The following STPG2 variants were observed in gnomAD, a reference collection of about 807,000 sequenced individuals.
The protein encoded by STPG2 is sperm-tail PG-rich repeat-containing protein 2.
Under a neutral mutation model 54.2 loss-of-function variants are expected in STPG2, and 56 were observed. The observed-to-expected ratio is 1.03, with a 90% CI of 0.83 to 1.29. The LOEUF (loss-of-function observed/expected upper bound fraction) is 1.29, where lower values mean the gene tolerates loss of function less well. Among genes scored for constraint, STPG2 ranks in the 50% most tolerant of loss-of-function variants. The probability of loss-of-function intolerance (pLI) is 0.00; values close to 1 mark genes in which losing one functional copy is unlikely to be tolerated. For synonymous variants in STPG2, 200 were observed against 181.8 expected (o/e 1.10, Z -0.81); for missense variants, 596 against 544.9 (o/e 1.09, Z -0.93).
In STPG2 at chr4:97,803,057, A is replaced by G. The variant is rs543958426; in HGVS notation, c.1204+37716T>C. 1.1e-4 allele frequency among the ~76,000 whole-genome samples: 17 copies of G among 152,274 alleles called. No homozygotes were observed. The South Asian group carries it at 3.5e-3, about 32-fold the overall frequency. The stretch of plus-strand genomic sequence containing the variant: ...CTTGTTTTTGTTTTTGGATTGTGCC[A>G]GGAATAAGAAATAAGACTATTATTG... On this transcript the variant is annotated intron_variant, in intron 9 of 10. Coordinates refer to ENST00000295268, the MANE Select transcript of STPG2 (RefSeq NM_174952.3).
At chr4:97,494,726 AT>A (rs34356638) in intron 4 of STPG2, among the ~76,000 whole-genome samples, 130,225 of 150,538 alleles carry the variant, frequency 0.87, 56,662 homozygotes, top group African/African-American at 0.96. Context: ...AGGAGTAAGG[AT>A]TTTTTTTTTG....
At chr4:97,742,367 TAATAAAATAA>T (rs908749274) in intron 9 of STPG2, among the ~76,000 whole-genome samples, 1 of 150,244 alleles carries the variant, frequency 6.7e-6, no homozygotes, top group Non-Finnish European at 1.5e-5. Flanking sequence ...AGTATAATAA[TAATAAAATAA>T]AATAAAATAA....
chr4:97,704,645 G>T (rs1357303910), intron 10 of STPG2, among the ~76,000 whole-genome samples: 6 of 152,156 alleles, frequency 3.9e-5, no homozygotes, highest in Non-Finnish European at 7.3e-5. Context: ...TAAGTAATGT[G>T]CCATGACCTT....
At chr4:97,710,659 T>C (rs1028051341) in intron 10 of STPG2, among the ~76,000 whole-genome samples, 1 of 152,008 alleles carries the variant, frequency 6.6e-6, no homozygotes, top group African/African-American at 2.4e-5. Context: ...CTTAAACTTA[T>C]TAAAGTCATG....
intron 2 of STPG2, among the ~76,000 whole-genome samples, chr4:98,131,540 C>G (rs1044515596): frequency 1.3e-5 from 2 of 152,066 alleles, no homozygotes; most frequent in Non-Finnish European, 2.9e-5. Flanking sequence ...AAGTACTTAG[C>G]CTTAAAACAT....
At chr4:97,922,163 C>G (rs535135369) in intron 8 of STPG2, among the ~76,000 whole-genome samples, 1 of 151,964 alleles carries the variant, frequency 6.6e-6, no homozygotes, top group East Asian at 1.9e-4. Flanking sequence ...CTTAAATGTT[C>G]TAACCACAAA....
chr4:97,514,229 T>C (rs1292954090), intron 4 of STPG2, among the ~76,000 whole-genome samples: 3 of 152,060 alleles, frequency 2.0e-5, no homozygotes, highest in African/African-American at 7.2e-5. Context: ...CGTCCCAGCG[T>C]CATGAATATA....
intron 8 of STPG2, among the ~76,000 whole-genome samples, chr4:97,887,393 T>C (rs1730617683): frequency 6.6e-6 from 1 of 152,156 alleles, no homozygotes; most frequent in Admixed American, 6.6e-5. Flanking sequence ...TATTGGGAAC[T>C]GGAGTAACAA....
At chr4:97,537,833 T>A (rs546030471) in intron 4 of STPG2, among the ~76,000 whole-genome samples, 55 of 152,240 alleles carry the variant, frequency 3.6e-4, no homozygotes, top group African/African-American at 1.3e-3. Flanking sequence ...CCAGGTACCC[T>A]TCTGAGATGA....
chr4:97,929,037 C>G (rs1732441016), intron 8 of STPG2, among the ~76,000 whole-genome samples: 1 of 152,104 alleles, frequency 6.6e-6, no homozygotes, highest in Non-Finnish European at 1.5e-5. Context: ...CTTCTCCCAC[C>G]CTCCACCCTC....
chr4:97,684,278 A>G (rs960697284), intron 10 of STPG2, among the ~76,000 whole-genome samples: 2 of 151,958 alleles, frequency 1.3e-5, no homozygotes, highest in Non-Finnish European at 2.9e-5. Flanking sequence ...AAGATCCAGA[A>G]TAGTCAACAT....
intron 10 of STPG2, among the ~76,000 whole-genome samples, chr4:97,641,985 C>T (rs930799118): frequency 6.6e-6 from 1 of 151,430 alleles, no homozygotes; most frequent in South Asian, 2.1e-4. Flanking sequence ...TCTTTATTCT[C>T]CATGGTTTAT....
intron 5 of STPG2, among the ~76,000 whole-genome samples, chr4:98,037,146 T>C (rs1349917939): frequency 2.0e-5 from 3 of 152,038 alleles, no homozygotes; most frequent in African/African-American, 7.2e-5. Context: ...GTGCTAACTT[T>C]TCCAATGAGT....
At chr4:97,850,706 TGA>T (rs1246937561) in intron 8 of STPG2, among the ~76,000 whole-genome samples, 2 of 152,190 alleles carry the variant, frequency 1.3e-5, no homozygotes, top group African/African-American at 4.8e-5. Flanking sequence ...AAGTCTTTTC[TGA>T]AAGCCTAATC....
chr4:97,988,135 A>G (rs1001909931), intron 5 of STPG2, among the ~76,000 whole-genome samples: 18 of 151,942 alleles, frequency 1.2e-4, no homozygotes, highest in African/African-American at 4.1e-4. Context: ...TCTTCCTCAA[A>G]CAGATCAGGC....
chr4:98,140,727 T>C (rs1168020069), intron 1 of STPG2, among the ~76,000 whole-genome samples: 1 of 152,036 alleles, frequency 6.6e-6, no homozygotes, highest in Non-Finnish European at 1.5e-5. Context: ...GCTCAGACAC[T>C]TAAAACTTCA....
At chr4:98,005,746 T>C (rs114625906) in intron 5 of STPG2, among the ~76,000 whole-genome samples, 1,963 of 152,312 alleles carry the variant, frequency 0.013, 47 homozygotes, top group African/African-American at 0.044. Flanking sequence ...ATAATTCATT[T>C]GGTGTGTTAT....
chr4:97,738,750 C>T (rs1185698340), intron 9 of STPG2, among the ~76,000 whole-genome samples: 1 of 152,030 alleles, frequency 6.6e-6, no homozygotes, highest in Non-Finnish European at 1.5e-5. Context: ...TAGACTCCCA[C>T]ACAATAATAA....
intron 8 of STPG2, among the ~76,000 whole-genome samples, chr4:97,922,174 A>C (rs1732134330): frequency 6.6e-6 from 1 of 152,162 alleles, no homozygotes. Context: ...TAACCACAAA[A>C]ATGTATTTGT....
Sources: gnomAD v4.1 joint callset for allele counts (sites outside exome capture counted in the v4.1 genomes callset) on GRCh38, gnomAD v4.1.1 for gene constraint, MANE v1.5 for transcripts, NCBI Gene and HGNC (gene_info 2026-07-23, HGNC 2026-07-21) for gene names.